TEX101: variants seen among roughly 807,000 people sequenced by gnomAD.
TEX101 encodes the protein testis expressed 101.
A neutral mutation model predicts 18.1 loss-of-function variants in TEX101; 10 were observed. The ratio of observed to expected loss-of-function variants is 0.55; its 90% confidence interval spans 0.34 to 0.94. The LOEUF is 0.94. Among genes scored for constraint, TEX101 ranks in the 40% least tolerant of loss-of-function variants. The probability of loss-of-function intolerance (pLI) is 0.02; values close to 1 mark genes in which losing one functional copy is unlikely to be tolerated. For synonymous variants in TEX101, 94 were observed against 114.8 expected (o/e 0.82, Z 1.16); for missense variants, 259 against 298.9 (o/e 0.87, Z 0.98).
chr19:43,410,536 T>C (rs142245659), upstream of TEX101, among the ~76,000 whole-genome samples: 1 of 152,074 alleles, frequency 6.6e-6, no homozygotes, highest in East Asian at 1.9e-4. Flanking sequence ...ACGGAGGGCC[T>C]GAGGTATGTG....
At chr19:43,413,572 G>A (rs369471897), upstream of TEX101, among the ~76,000 whole-genome samples, 73 of 151,762 alleles carry the variant, frequency 4.8e-4, no homozygotes, top group East Asian at 6.6e-3. Context: ...TGAGGCTCCC[G>A]GCCAAATAAA....
intron 4 of TEX101, 65 bp from the exon 5 acceptor site, chr19:43,417,813 G>A: frequency 6.3e-7 from 1 of 1,596,494 alleles, no homozygotes; most frequent in Non-Finnish European, 8.6e-7. Context: ...GGAAGAGAAG[G>A]CAGCAAGGAG....
chr19:43,417,075 C>T (rs373804556), intron 4 of TEX101, among the ~76,000 whole-genome samples: 4 of 151,376 alleles, frequency 2.6e-5, no homozygotes, highest in Non-Finnish European at 2.9e-5. Context: ...TGTAGGTTTC[C>T]GAACAGGGTG....
chr19:43,410,848 T>C (rs1369989923), upstream of TEX101, among the ~76,000 whole-genome samples: 2 of 151,896 alleles, frequency 1.3e-5, no homozygotes, highest in Non-Finnish European at 2.9e-5. Flanking sequence ...ACATAGCCAA[T>C]TATACTATAA....
chr19:43,393,382 G>A, the TEX101 span, among the ~76,000 whole-genome samples: 7 of 152,280 alleles, frequency 4.6e-5, no homozygotes, highest in Middle Eastern at 3.4e-3. Flanking sequence ...CCTGGCCTTC[G>A]TGACTGGGTG....
chr19:43,413,201 T>C (rs1275762662), upstream of TEX101, among the ~76,000 whole-genome samples: 1 of 152,192 alleles, frequency 6.6e-6, no homozygotes, highest in Non-Finnish European at 1.5e-5. Context: ...CTCGAAGTTG[T>C]AAGCCTTTAA....
the TEX101 span, among the ~76,000 whole-genome samples, chr19:43,391,439 C>A: frequency 1.5e-5 from 2 of 136,932 alleles, no homozygotes; most frequent in African/African-American, 5.4e-5. Flanking sequence ...TTGAGAACAA[C>A]CATCGTAATG....
intron 3 of TEX101, among the ~76,000 whole-genome samples, chr19:43,407,550 G>A (rs1480054031): frequency 2.0e-5 from 3 of 152,138 alleles, no homozygotes; most frequent in Non-Finnish European, 2.9e-5. Flanking sequence ...ATTAGACCAT[G>A]TGAGACAGGT....
intron 4 of TEX101, 142 bp from the exon 5 acceptor site, chr19:43,417,736 C>A: frequency 9.6e-7 from 1 of 1,040,132 alleles, no homozygotes; most frequent in Non-Finnish European, 1.4e-6. Context: ...AGAACACCAG[C>A]TGGGGAAGGA....
chr19:43,389,764 C>T, the TEX101 span, among the ~76,000 whole-genome samples: 1 of 152,218 alleles, frequency 6.6e-6, no homozygotes, highest in Non-Finnish European at 1.5e-5. Flanking sequence ...CTTCCACTTC[C>T]TTGCCCCTTT....
At chr19:43,396,054 C>T in the TEX101 span, among the ~76,000 whole-genome samples, 33 of 152,294 alleles carry the variant, frequency 2.2e-4, no homozygotes, top group African/African-American at 7.9e-4. Context: ...AAACTCCCGG[C>T]CTGCCCTTAC....
At chr19:43,407,483 C>CA (rs35258259) in intron 3 of TEX101, among the ~76,000 whole-genome samples, 4,740 of 130,786 alleles carry the variant, frequency 0.036, 109 homozygotes, top group Middle Eastern at 0.12. Flanking sequence ...GAAACTTCGT[C>CA]AAAAAAAAAA....
chr19:43,404,554 A>G (rs79939518), intron 2 of TEX101, among the ~76,000 whole-genome samples: 3,963 of 152,254 alleles, frequency 0.026, 62 homozygotes, highest in Middle Eastern at 0.099. Flanking sequence ...GAAGAATTGT[A>G]CAATGAACCC....
At chr19:43,399,470 T>A (rs962766230), upstream of TEX101, among the ~76,000 whole-genome samples, 1 of 152,128 alleles carries the variant, frequency 6.6e-6, no homozygotes, top group African/African-American at 2.4e-5. Context: ...ATGGCAATTA[T>A]CTAATTTTTA....
At chr19:43,407,564 T>C (rs1277252288) in intron 3 of TEX101, among the ~76,000 whole-genome samples, 1 of 152,012 alleles carries the variant, frequency 6.6e-6, no homozygotes, top group Non-Finnish European at 1.5e-5. Flanking sequence ...GACAGGTTGA[T>C]TTCACGCTAG....
At position 43,415,172 on chromosome 19, in the gene TEX101, C is replaced by G. The variant is rs889106727; in HGVS notation, c.-40+134C>G. The G allele has an allele frequency of 1.4e-5, 7 of 511,354 alleles. No individual in the cohort carries two copies. The Admixed American group carries it at 2.1e-4, about 16-fold the overall frequency. 31.7% of individuals were successfully genotyped at this position (511,354 alleles called of 1,614,324 possible). On this transcript the variant is annotated intron_variant, in intron 1 of 5. Coordinates refer to ENST00000598265, the MANE Select transcript of TEX101 (RefSeq NM_001130011.3). The stretch of plus-strand genomic sequence containing the variant: ...AAAGGTGGTTGGAACCCAGACTCCT[C>G]GATCCCTACATAGGACGGGGCTGGG...
At chr19:43,415,622 G>A (rs535742613) in intron 1 of TEX101, among the ~76,000 whole-genome samples, 8 of 152,146 alleles carry the variant, frequency 5.3e-5, no homozygotes, top group African/African-American at 1.4e-4. Context: ...AATTCACTGG[G>A]TGTGGTGGCG....
chr19:43,402,125 G>C (rs142497880), intron 1 of TEX101, among the ~76,000 whole-genome samples: 144 of 152,370 alleles, frequency 9.5e-4, no homozygotes, highest in Non-Finnish European at 1.7e-3. Flanking sequence ...GTGTCCCATA[G>C]TGTTTAAGCT....
chr19:43,414,798 C>T, upstream of TEX101: 1 of 977,942 alleles, frequency 1.0e-6, no homozygotes. Context: ...CCGCGTTCCT[C>T]CAGGCTCATC....
Sources: gnomAD v4.1 joint callset for allele counts (sites outside exome capture counted in the v4.1 genomes callset) on GRCh38, gnomAD v4.1.1 for gene constraint, MANE v1.5 for transcripts, NCBI Gene and HGNC (gene_info 2026-07-23, HGNC 2026-07-21) for gene names.